The following SGCD variants were observed in gnomAD, a reference collection of about 807,000 sequenced individuals.
SGCD encodes the protein delta-sarcoglycan.
A neutral mutation model predicts 36.6 loss-of-function variants in SGCD; 18 were observed. The ratio of observed to expected loss-of-function variants is 0.49; its 90% confidence interval spans 0.34 to 0.73. SGCD has a LOEUF of 0.73. SGCD is among the 30% of genes least tolerant of loss of function. The pLI is 0.01. For synonymous variants in SGCD, 133 were observed against 130.6 expected, an observed-to-expected ratio of 1.02 and a Z score of -0.12; for missense variants, 387 against 346.7, an observed-to-expected ratio of 1.12 and a Z score of -0.92.
intron 1 of SGCD, among the ~76,000 whole-genome samples, chr5:155,929,375 A>C (rs1187107641): frequency 6.6e-6 from 1 of 152,186 alleles, no homozygotes; most frequent in Non-Finnish European, 1.5e-5. Context: ...CAGAAAAGAG[A>C]ATTTAAAAGA....
chr5:156,005,773 C>G (rs1414154050), intron 1 of SGCD, among the ~76,000 whole-genome samples: 1 of 152,068 alleles, frequency 6.6e-6, no homozygotes, highest in Non-Finnish European at 1.5e-5. Context: ...TAATGTCAAG[C>G]GTTGTTTTTA....
At position 155,886,318 on chromosome 5, in the gene SGCD, C is replaced by T. The variant is rs536655813; in HGVS notation, c.-282+15894C>T. On this transcript the variant is annotated intron_variant, in intron 1 of 9. Coordinates refer to the SGCD transcript ENST00000517913. ...CTTTCTGTATCTATCTATCTATTTA[C>T]GCCAAAAGGAACTCCTCAAAATGGT... 4.6e-5 allele frequency among the ~76,000 whole-genome samples: 7 copies of T among 152,214 alleles called. No individual in the cohort carries two copies. In the South Asian group the frequency reaches 8.3e-4, roughly 18 times the overall value.
chr5:155,949,326 TA>T (rs749723432), intron 1 of SGCD, among the ~76,000 whole-genome samples: 1 of 152,196 alleles, frequency 6.6e-6, no homozygotes, highest in Non-Finnish European at 1.5e-5. Flanking sequence ...ATGACCTTCA[TA>T]ATCAATCATA....
chr5:155,819,359 T>A, the SGCD span, among the ~76,000 whole-genome samples: 2 of 152,160 alleles, frequency 1.3e-5, no homozygotes, highest in Non-Finnish European at 2.9e-5. Context: ...CAGTGGGGTG[T>A]TGAGAATTCA....
At chr5:156,633,377 A>G (rs567423382) in intron 6 of SGCD, among the ~76,000 whole-genome samples, 1 of 152,300 alleles carries the variant, frequency 6.6e-6, no homozygotes, top group African/African-American at 2.4e-5. Flanking sequence ...ACCGAACTTT[A>G]TTATTCCATG....
chr5:155,952,763 C>T (rs1323682478), intron 1 of SGCD, among the ~76,000 whole-genome samples: 1 of 152,224 alleles, frequency 6.6e-6, no homozygotes, highest in Non-Finnish European at 1.5e-5. Flanking sequence ...ATGTTATGCA[C>T]TTCCTTTCAA....
chr5:156,120,080 T>G (rs1242155200), intron 2 of SGCD, among the ~76,000 whole-genome samples: 1 of 152,212 alleles, frequency 6.6e-6, no homozygotes, highest in East Asian at 1.9e-4. Context: ...ATAATAGCAT[T>G]AATCCCTTTA....
intron 4 of SGCD, among the ~76,000 whole-genome samples, chr5:156,575,678 T>A (rs1316041732): frequency 6.6e-6 from 1 of 152,168 alleles, no homozygotes; most frequent in Admixed American, 6.5e-5. Flanking sequence ...GATAGCTAAG[T>A]CATAACTTGT....
At chr5:155,844,767 A>C in the SGCD span, among the ~76,000 whole-genome samples, 14 of 152,312 alleles carry the variant, frequency 9.2e-5, no homozygotes, top group Admixed American at 8.5e-4. Flanking sequence ...TGCTTAGTTA[A>C]AAACAGTAGT....
At chr5:156,613,928 T>A (rs1761928650) in intron 6 of SGCD, among the ~76,000 whole-genome samples, 1 of 152,150 alleles carries the variant, frequency 6.6e-6, no homozygotes, top group South Asian at 2.1e-4. Flanking sequence ...ACAACCCTAT[T>A]AGGAGGGTAC....
intron 4 of SGCD, among the ~76,000 whole-genome samples, chr5:156,509,213 G>A (rs1261798728): frequency 6.6e-6 from 1 of 152,130 alleles, no homozygotes; most frequent in African/African-American, 2.4e-5. Context: ...ATCACCTGAA[G>A]TAGGAGTTTG....
At chr5:155,835,926 T>A in the SGCD span, among the ~76,000 whole-genome samples, 8 of 152,136 alleles carry the variant, frequency 5.3e-5, no homozygotes, top group Non-Finnish European at 1.2e-4. Context: ...GCCCAGGGTA[T>A]CCACTCTTAT....
chr5:155,832,976 G>A, the SGCD span, among the ~76,000 whole-genome samples: 1 of 150,904 alleles, frequency 6.6e-6, no homozygotes, highest in East Asian at 2.0e-4. Context: ...CACTTTGGGA[G>A]GCTGAGGCGG....
At chr5:156,554,106 A>G (rs527419615) in intron 4 of SGCD, among the ~76,000 whole-genome samples, 64 of 152,338 alleles carry the variant, frequency 4.2e-4, no homozygotes, top group African/African-American at 1.4e-3. Context: ...CTGTAATCCC[A>G]GCACTTTGGG....
chr5:156,365,961 A>G (rs748029052), intron 3 of SGCD, among the ~76,000 whole-genome samples: 1 of 152,230 alleles, frequency 6.6e-6, no homozygotes, highest in East Asian at 1.9e-4. Flanking sequence ...TGTACCTTCT[A>G]TACATAAATC....
chr5:156,530,719 A>G (rs1581124403), intron 4 of SGCD, among the ~76,000 whole-genome samples: 1 of 152,046 alleles, frequency 6.6e-6, no homozygotes, highest in East Asian at 1.9e-4. Flanking sequence ...AACTAGGATT[A>G]CAGGCATGCA....
chr5:156,564,815 T>A (rs1003197026), intron 4 of SGCD, among the ~76,000 whole-genome samples: 2 of 152,200 alleles, frequency 1.3e-5, no homozygotes, highest in African/African-American at 4.8e-5. Flanking sequence ...TGATGTAGCA[T>A]GTGTCATAAT....
intron 3 of SGCD, among the ~76,000 whole-genome samples, chr5:156,475,854 C>A (rs1234652383): frequency 1.3e-5 from 2 of 152,066 alleles, no homozygotes; most frequent in Non-Finnish European, 2.9e-5. Flanking sequence ...GGGAAGGAGA[C>A]CAAACCTAGG....
chr5:155,859,674 C>G, the SGCD span, among the ~76,000 whole-genome samples: 5 of 152,202 alleles, frequency 3.3e-5, no homozygotes, highest in East Asian at 1.9e-4. Flanking sequence ...CTGTCATCAA[C>G]AGTTTATGTC....
Sources: gnomAD v4.1 joint callset for allele counts (sites outside exome capture counted in the v4.1 genomes callset) on GRCh38, gnomAD v4.1.1 for gene constraint, MANE v1.5 for transcripts, NCBI Gene and HGNC (gene_info 2026-07-23, HGNC 2026-07-21) for gene names.